Variants in CDH26 observed in about 807,000 individuals in gnomAD.
CDH26 encodes cadherin 26.
Under a neutral mutation model 90.3 loss-of-function variants are expected in CDH26, and 83 were observed. The ratio of observed to expected loss-of-function variants is 0.92; its 90% CI spans 0.77 to 1.10. The LOEUF (loss-of-function observed/expected upper bound fraction) is 1.10, where lower values mean the gene tolerates loss of function less well. Among genes scored for constraint, CDH26 ranks in the 50% least tolerant of loss-of-function variants. The pLI is 0.00. For missense variants in CDH26, 1,013 were observed against 1,037.6 expected (o/e 0.98, Z 0.33); for synonymous variants, 397 against 396.3 (o/e 1.00, Z -0.02).
chr20:60,021,849 TACACACACACACAC>T (rs757813328), intron 7 of CDH26, among the ~76,000 whole-genome samples: 496 of 42,624 alleles, frequency 0.012, 31 homozygotes, highest in Non-Finnish European at 0.017. Context: ...TCCTTATCTG[TACACACACACACAC>T]ACACACACAC....
intron 15 of CDH26, 63 bp downstream of exon 15, chr20:60,001,474 CT>C: frequency 1.3e-6 from 2 of 1,581,372 alleles, no homozygotes; most frequent in African/African-American, 1.3e-5. Flanking sequence ...GTTGGTCCCC[CT>C]GAGAGAGGGC....
chr20:60,014,081 G>A lies in CDH26; in HGVS notation c.*1351G>A, dbSNP rs1018546584. Reference sequence around the variant, plus strand: ...AAAGTAAACATTAGTTTATTCGATTGCCTCCTTATACTTGCCTCTTTCATT... The same window carrying A: ...AAAGTAAACATTAGTTTATTCGATTACCTCCTTATACTTGCCTCTTTCATT... On this transcript the variant is annotated 3_prime_UTR_variant, in exon 18 of 18. Coordinates refer to ENST00000348616, the MANE Select transcript of CDH26 (RefSeq NM_177980.4). The A allele has an allele frequency of 2.0e-5, 3 of 151,706 alleles. No individual in the cohort carries two copies. Among genetic ancestry groups the A allele is most frequent in the African/African-American group, 7.3e-5 (3 of 41,304 alleles). 9.4% of individuals were successfully genotyped at this position (151,706 alleles called of 1,614,324 possible). A position where few individuals can be genotyped will look rare whatever the true frequency, so the allele number is the denominator to read the frequency against.
At chr20:59,998,849 ATATTAGCAT>A (rs1255616906) in intron 13 of CDH26, among the ~76,000 whole-genome samples, 2 of 152,228 alleles carry the variant, frequency 1.3e-5, no homozygotes, top group Non-Finnish European at 2.9e-5. Flanking sequence ...GTGGCCGCCA[ATATTAGCAT>A]TATTAGCAGT....
intron 4 of CDH26, among the ~76,000 whole-genome samples, chr20:59,974,482 G>A (rs976211940): frequency 1.3e-5 from 2 of 152,158 alleles, no homozygotes; most frequent in African/African-American, 4.8e-5. Context: ...CCTGAAACTC[G>A]AAGTTGAGTT....
intron 7 of CDH26, among the ~76,000 whole-genome samples, chr20:60,028,728 T>G (rs1019568980): frequency 1.3e-5 from 2 of 152,194 alleles, no homozygotes; most frequent in African/African-American, 4.8e-5. Context: ...GGTACACTGC[T>G]GATTGGAATG....
At chr20:59,963,643 G>A (rs113369803) in intron 1 of CDH26, among the ~76,000 whole-genome samples, 7 of 152,222 alleles carry the variant, frequency 4.6e-5, no homozygotes, top group African/African-American at 1.4e-4. Context: ...TTAGCCACAT[G>A]TGGCTAGGGG....
chr20:59,980,678 A>G (rs1360059307), intron 4 of CDH26, among the ~76,000 whole-genome samples: 2 of 152,112 alleles, frequency 1.3e-5, no homozygotes, highest in Non-Finnish European at 1.5e-5. Flanking sequence ...CTCTCAGGCA[A>G]TTGTCTTTTC....
intron 12 of CDH26, chr20:59,996,288 A>G (rs2061595928): frequency 1.6e-6 from 2 of 1,262,402 alleles, no homozygotes; most frequent in Non-Finnish European, 1.1e-6. Flanking sequence ...TCCACTGGTA[A>G]ATATAGTCAA....
chr20:60,002,896 C>A (rs769804969), intron 16 of CDH26, 30 bp downstream of exon 16: 4 of 1,471,534 alleles, frequency 2.7e-6, no homozygotes, highest in South Asian at 1.4e-5. Flanking sequence ...TTACCGTGAA[C>A]AAATTTACCT....
At chr20:60,001,281 A>G (rs1216791591) in intron 14 of CDH26, 62 bp from the exon 15 acceptor site, 8 of 1,606,680 alleles carry the variant, frequency 5.0e-6, no homozygotes, top group African/African-American at 4.0e-5. Context: ...ACGCATGCCC[A>G]CTTTGTTTCC....
intron 7 of CDH26, among the ~76,000 whole-genome samples, chr20:60,027,343 C>T (rs6071088): frequency 0.68 from 104,081 of 152,016 alleles, 36,818 homozygotes; most frequent in Non-Finnish European, 0.76. Flanking sequence ...TGAAGTCATG[C>T]ATACCTATCA....
chr20:59,961,516 TC>T (rs2061073940), intron 1 of CDH26, among the ~76,000 whole-genome samples: 1 of 152,200 alleles, frequency 6.6e-6, no homozygotes, highest in Non-Finnish European at 1.5e-5. Context: ...AACATTCCGT[TC>T]CATTCCTTTA....
chr20:60,011,163 T>C (rs195013), intron 17 of CDH26, among the ~76,000 whole-genome samples: 117,098 of 152,164 alleles, frequency 0.77, 45,324 homozygotes, highest in African/African-American at 0.82. Context: ...CTAGAAATAC[T>C]GCCGAGCATT....
At chr20:60,010,524 T>C (rs532100155) in intron 17 of CDH26, among the ~76,000 whole-genome samples, 3 of 152,114 alleles carry the variant, frequency 2.0e-5, no homozygotes, top group African/African-American at 7.2e-5. Flanking sequence ...CTCCCCTATT[T>C]ATTGAATCAC....
At chr20:60,033,490 G>A in exon 9 of CDH26, 1 of 1,303,292 alleles carries the variant, frequency 7.7e-7, no homozygotes, top group South Asian at 1.2e-5. Context: ...TTGCAGATGA[G>A]GAGAACAAGG....
At chr20:59,984,895 C>A in intron 6 of CDH26, 90 bp downstream of exon 6, 1 of 1,560,266 alleles carries the variant, frequency 6.4e-7, no homozygotes, top group Non-Finnish European at 8.7e-7. Context: ...GTGGGGAACC[C>A]TCTGTGGCTA....
intron 1 of CDH26, among the ~76,000 whole-genome samples, chr20:59,968,037 C>G (rs1569025080): frequency 7.7e-6 from 1 of 129,064 alleles, no homozygotes; most frequent in African/African-American, 4.0e-5. Flanking sequence ...CTCTCTCTCT[C>G]TCTCTCTCTC....
chr20:59,970,809 AAAAT>A (rs34187396), intron 3 of CDH26, among the ~76,000 whole-genome samples: 7,926 of 144,020 alleles, frequency 0.055, 257 homozygotes, highest in African/African-American at 0.096. Context: ...CTCTGTCTCA[AAAAT>A]AAATAAATAA....
chr20:59,958,998 G>A (rs1242686388), intron 1 of CDH26, among the ~76,000 whole-genome samples: 1 of 152,156 alleles, frequency 6.6e-6, no homozygotes, highest in African/African-American at 2.4e-5. Flanking sequence ...GTCTGTTTGG[G>A]GCAACAGTGG....
Sources: allele counts gnomAD v4.1 joint callset (sites outside exome capture counted in the v4.1 genomes callset), GRCh38; gene constraint gnomAD v4.1.1; transcripts MANE v1.5; gene names NCBI Gene and HGNC (gene_info 2026-07-23, HGNC 2026-07-21).